ADPRH: variants seen among roughly 807,000 people sequenced by gnomAD.
ADPRH encodes the protein ADP-ribosylarginine hydrolase.
In ADPRH, 27 loss-of-function variants were observed where a neutral mutation model predicts 28.8. That is an observed-to-expected ratio of 0.94 (90% CI 0.69 to 1.29). The LOEUF (loss-of-function observed/expected upper bound fraction) is 1.29. ADPRH is among the 50% of genes most tolerant of loss of function. The pLI is 0.00. For synonymous variants in ADPRH, 161 were observed against 166.9 expected, an observed-to-expected ratio of 0.96 and a Z score of 0.27; for missense variants, 419 against 444.8, an observed-to-expected ratio of 0.94 and a Z score of 0.52.
At chr3:119,584,579 A>G (rs1265288409) in intron 3 of ADPRH, among the ~76,000 whole-genome samples, 1 of 152,100 alleles carries the variant, frequency 6.6e-6, no homozygotes, top group Non-Finnish European at 1.5e-5. Context: ...AAAAAATGCA[A>G]AGGCTTTTGT....
chr3:119,587,469 A>C lies in ADPRH; in HGVS notation c.665A>C (p.Tyr222Ser). 6.5e-7 allele frequency: 1 copy of C among 1,540,842 alleles called. No individual in the cohort carries two copies. The highest frequency in any genetic ancestry group is 8.7e-7 in the Non-Finnish European group (1 of 1,143,170). The change falls in exon 5 of 5, where the codon TAC becomes TCC. Residue 222 changes from tyrosine (Y) to serine (S), a missense_variant. By Grantham distance (144) the Tyr-to-Ser change is moderately radical (BLOSUM62 -2). Transcript: ENST00000357003. Reference protein sequence around the residue: ...FVEENLQHWSYFQTKWENYLK... With the variant: ...FVEENLQHWSSFQTKWENYLK... ...AGATTTTTTCCTTTCTACAGGTCCT[A>C]CTTCCAAACCAAATGGGAAAATTAC...
rs1304639289 is a variant in ADPRH, at chr3:119,582,120, A to C, written c.-36-14A>C. 10 of 1,517,006 alleles carry C rather than the reference A, an allele frequency of 6.6e-6. No homozygotes were observed. Among genetic ancestry groups the C allele is most frequent in the Non-Finnish European group, 8.9e-6 (10 of 1,128,962 alleles). 94.0% of individuals were successfully genotyped at this position (1,517,006 alleles called of 1,614,324 possible). On this transcript the variant is annotated splice_polypyrimidine_tract_variant and intron_variant, in intron 2 of 4. Transcript: ENST00000357003. ...TCCTCATCCTATTTCCTTTGTCTTA[A>C]TTTCCCCACAAAGACACCCTCTCCA... is the stretch of plus-strand genomic sequence containing the variant.
chr3:119,585,159 T>G (rs1382462046), intron 3 of ADPRH, among the ~76,000 whole-genome samples: 1 of 152,220 alleles, frequency 6.6e-6, no homozygotes, highest in Non-Finnish European at 1.5e-5. Flanking sequence ...TAGATGCCAA[T>G]CTCTGTTCAT....
intron 2 of ADPRH, 40 bp from the exon 3 acceptor site, chr3:119,582,094 C>T (rs2082409955): frequency 2.3e-6 from 2 of 865,158 alleles, no homozygotes; most frequent in East Asian, 7.3e-5. Flanking sequence ...ATTCTTCTTG[C>T]TCCTCATCCT....
chr3:119,587,510 A>G lies in ADPRH; in HGVS notation c.706A>G (p.Ile236Val), dbSNP rs773326745. Residue 236 changes from isoleucine (I) to valine (V), a missense_variant, in exon 5 of 5, where the codon ATT becomes GTT. Coordinates refer to ENST00000357003, the MANE Select transcript of ADPRH (RefSeq NM_001125.4). Reference protein sequence around the residue: ...KWENYLKLRGILDGESAPTFP... With the variant: ...KWENYLKLRGVLDGESAPTFP... ...GGAAAATTACCTAAAACTTAGAGGG[A>G]TTTTGGATGGAGAATCAGCCCCTAC... 82 of 1,589,928 alleles carry G rather than the reference A, an allele frequency of 5.2e-5. No homozygotes were observed. In the South Asian group the frequency reaches 9.0e-4, roughly 18 times the overall value.
rs145782367 is a variant in ADPRH, at chr3:119,582,338, A to G, written c.169A>G (p.Thr57Ala). ...DVGRWRVSDD[T>A]VMHLATAEAL... is the part of the protein sequence containing the mutation. ...GGGAAGGTGGAGAGTTAGTGACGAC[A>G]CAGTGATGCACTTGGCCACAGCAGA... Residue 57 changes from threonine (T) to alanine (A), a missense_variant, in exon 3 of 5, where the codon ACA (threonine) becomes GCA (alanine). Thr to Ala is a moderately conservative substitution (Grantham distance 58). Transcript: ENST00000357003. 1.9e-6 allele frequency: 3 copies of G among 1,614,214 alleles called. No homozygotes were observed. Among genetic ancestry groups the G allele is most frequent in the East Asian group, 4.5e-5 (2 of 44,884 alleles).
In ADPRH at chr3:119,586,493, C is replaced by T. The variant is rs2082461419; in HGVS notation, c.507C>T (p.Tyr169=). ...GRMTHHHPTG[Y]LGALASALFT... ...TGACCCACCACCACCCAACAGGCTA[C>T]CTGGGGGCCCTTGCGTCTGCTCTTT... The change falls in exon 4 of 5, where the codon TAC becomes TAT. Residue 169 remains tyrosine, a synonymous_variant. Transcript: ENST00000357003. The T allele has an allele frequency of 5.6e-6, 9 of 1,614,128 alleles. No individual in the cohort carries two copies. The South Asian group carries it at 8.8e-5, about 16-fold the overall frequency.
chr3:119,584,399 C>A (rs1283017330), intron 3 of ADPRH, among the ~76,000 whole-genome samples: 2 of 151,948 alleles, frequency 1.3e-5, no homozygotes, highest in Non-Finnish European at 2.9e-5. Flanking sequence ...CCCATCTCTA[C>A]TAAAAATTAA....
In ADPRH at chr3:119,579,635, C is replaced by G. The variant is rs2082387620; in HGVS notation, c.-339C>G. On this transcript the variant is annotated 5_prime_UTR_variant, in exon 1 of 5. Transcript: ENST00000357003. Reference sequence around the variant, plus strand: ...GGGCGCGGCGGTGCCAGGAAGCCGCCTTGGAGGCTCCAAGATTAGCTCACT... The same window carrying G: ...GGGCGCGGCGGTGCCAGGAAGCCGCGTTGGAGGCTCCAAGATTAGCTCACT... 1 of 152,470 alleles carries G rather than the reference C, an allele frequency of 6.6e-6. No individual in the cohort carries two copies. Among genetic ancestry groups the G allele is most frequent in the South Asian group, 2.1e-4 (1 of 4,838 alleles). 9.4% of individuals were successfully genotyped at this position (152,470 alleles called of 1,614,324 possible).
In ADPRH at chr3:119,587,458, C is replaced by T. The variant is rs1361931898; in HGVS notation, c.660-6C>T. 2.0e-6 allele frequency: 3 copies of T among 1,506,864 alleles called. No homozygotes were observed. The highest frequency in any genetic ancestry group is 2.3e-5 in the Admixed American group (1 of 44,292). 93.3% of individuals were successfully genotyped at this position (1,506,864 alleles called of 1,614,324 possible). On this transcript the variant is annotated splice_region_variant and splice_polypyrimidine_tract_variant and intron_variant, in intron 4 of 4. Coordinates refer to ENST00000357003, the MANE Select transcript of ADPRH (RefSeq NM_001125.4). Reference sequence around the variant, plus strand: ...CAATTGACTCTAGATTTTTTCCTTTCTACAGGTCCTACTTCCAAACCAAAT... The same window carrying T: ...CAATTGACTCTAGATTTTTTCCTTTTTACAGGTCCTACTTCCAAACCAAAT...
At chr3:119,581,064 C>CT (rs71156755) in intron 2 of ADPRH, among the ~76,000 whole-genome samples, 32,638 of 120,226 alleles carry the variant, frequency 0.27, 5,738 homozygotes, top group African/African-American at 0.42. Context: ...ACTCTAAGAA[C>CT]TTTTTTTTTT....
In ADPRH at chr3:119,587,694, T is replaced by G; in HGVS notation, c.890T>G (p.Phe297Cys). The G allele has an allele frequency of 1.9e-6, 3 of 1,614,222 alleles. No individual in the cohort carries two copies. The highest frequency in any genetic ancestry group is 2.5e-6 in the Non-Finnish European group (3 of 1,180,042). The change falls in exon 5 of 5, where the codon TTT (phenylalanine) becomes TGT (cysteine). Residue 297 changes from phenylalanine (F) to cysteine (C), a missense_variant. Phe to Cys is a radical substitution (Grantham distance 205). Coordinates refer to ENST00000357003, the MANE Select transcript of ADPRH (RefSeq NM_001125.4). Reference sequence around the variant, plus strand: ...TGGAAGGAGCTTGCCCACCGAGCCTTTTTCCATGGTGGAGACAGTGATTCT... The same window carrying G: ...TGGAAGGAGCTTGCCCACCGAGCCTGTTTCCATGGTGGAGACAGTGATTCT... ...DSWKELAHRA[F>C]FHGGDSDSTA...
Position 119,586,273 on chromosome 3 carries a change from ACT to A in ADPRH, c.299-9_299-8del, listed in dbSNP as rs1205252341. ...TATGCTAACCCCCATCCCTTATCCG[ACT>A]CTTCCCCAGGTGGTGCCTCGGTGCA... On this transcript the variant is annotated splice_polypyrimidine_tract_variant and intron_variant, in intron 3 of 4. Coordinates refer to ENST00000357003, the MANE Select transcript of ADPRH (RefSeq NM_001125.4). The A allele has an allele frequency of 6.2e-7, 1 of 1,611,674 alleles. No individual in the cohort carries two copies. Among genetic ancestry groups the A allele is most frequent in the African/African-American group, 1.3e-5 (1 of 74,604 alleles).
rs899694013 is a variant in ADPRH at position 119,579,552 on chromosome 3, C to T, written c.-422C>T. 1 of 152,310 alleles carries T rather than the reference C, an allele frequency of 6.6e-6. No homozygotes were observed. Among genetic ancestry groups the T allele is most frequent in the African/African-American group, 2.4e-5 (1 of 41,480 alleles). The allele number at this position is 152,310 out of a possible 1,614,324, so 9.4% of individuals were successfully genotyped here. ...CATTCCGGGCACCAGGCTCCGGGCTCTTCAGAGCATTTGGGGCGGGCGACG... is the reference window on the plus strand; with the variant it reads ...CATTCCGGGCACCAGGCTCCGGGCTTTTCAGAGCATTTGGGGCGGGCGACG... On this transcript the variant is annotated 5_prime_UTR_variant, in exon 1 of 5. Coordinates refer to ENST00000357003, the MANE Select transcript of ADPRH (RefSeq NM_001125.4).
rs2082413634 is a variant in ADPRH at position 119,582,341 on chromosome 3, G to A, written c.172G>A (p.Val58Met). 6.2e-7 allele frequency: 1 copy of A among 1,614,228 alleles called. No homozygotes were observed. The highest frequency in any genetic ancestry group is 2.2e-5 in the East Asian group (1 of 44,874). ...VGRWRVSDDT[V>M]MHLATAEALV... is the part of the protein sequence containing the mutation. ...AAGGTGGAGAGTTAGTGACGACACA[G>A]TGATGCACTTGGCCACAGCAGAAGC... Residue 58 changes from valine to methionine, a missense_variant, in exon 3 of 5, where the codon GTG (valine) becomes ATG (methionine). Val to Met is a conservative substitution (Grantham distance 21, BLOSUM62 1). Coordinates refer to ENST00000357003, the MANE Select transcript of ADPRH (RefSeq NM_001125.4).
intron 4 of ADPRH, 151 bp downstream of exon 4, chr3:119,586,796 G>C: frequency 8.6e-7 from 1 of 1,160,676 alleles, no homozygotes; most frequent in South Asian, 1.7e-5. Context: ...AGGATTTCAA[G>C]TTCCCTTCCA....
chr3:119,582,669 C>A (rs2082418783), intron 3 of ADPRH, among the ~76,000 whole-genome samples: 2 of 152,108 alleles, frequency 1.3e-5, no homozygotes, highest in South Asian at 4.1e-4. Context: ...TCACTTGAAC[C>A]CAGGAGTTCA....
chr3:119,583,069 T>A (rs776420553), intron 3 of ADPRH, among the ~76,000 whole-genome samples: 23 of 151,878 alleles, frequency 1.5e-4, no homozygotes, highest in South Asian at 4.1e-4. Flanking sequence ...CAGAAAAAAA[T>A]TTTTAAAACA....
At chr3:119,586,251 G>A in intron 3 of ADPRH, 34 bp from the exon 4 acceptor site, 1 of 1,610,534 alleles carries the variant, frequency 6.2e-7, no homozygotes, top group Non-Finnish European at 8.5e-7. Context: ...CTTTGGTTAT[G>A]CTAACCCCCA....
Sources: allele counts gnomAD v4.1 joint callset (sites outside exome capture counted in the v4.1 genomes callset), GRCh38; gene constraint gnomAD v4.1.1; transcripts MANE v1.5; gene names NCBI Gene and HGNC (gene_info 2026-07-23, HGNC 2026-07-21).